Variants in GALNT16 observed in about 807,000 individuals in gnomAD.
The protein encoded by GALNT16 is UDP-GalNAc:polypeptide N-acetylgalactosaminyltransferase-like protein 1.
GALNT16 carries 40 observed loss-of-function variants against 76.1 expected under a neutral mutation model. That is an observed-to-expected ratio of 0.53 (90% CI 0.41 to 0.68). The LOEUF (loss-of-function observed/expected upper bound fraction) is 0.68, where lower values mean the gene tolerates loss of function less well. Among genes scored for constraint, GALNT16 ranks in the 30% least tolerant of loss-of-function variants. The pLI, the probability that GALNT16 is intolerant of heterozygous loss-of-function variation, is 0.00. For synonymous variants in GALNT16, 276 were observed against 285.2 expected (o/e 0.97, Z 0.32); for missense variants, 621 against 731.9 (o/e 0.85, Z 1.75).
chr14:69,342,125 T>G (rs2045495514), intron 12 of GALNT16, among the ~76,000 whole-genome samples: 1 of 152,070 alleles, frequency 6.6e-6, no homozygotes, highest in Non-Finnish European at 1.5e-5. Flanking sequence ...GCAGAAGCTG[T>G]TGACCAGCAG....
At chr14:69,327,775 G>C (rs2045304161) in intron 5 of GALNT16, among the ~76,000 whole-genome samples, 1 of 152,226 alleles carries the variant, frequency 6.6e-6, no homozygotes. Flanking sequence ...CCTCCCTCCT[G>C]ACCAGGCAGG....
At chr14:69,302,518 TTTG>T (rs2044868803) in intron 1 of GALNT16, among the ~76,000 whole-genome samples, 1 of 152,172 alleles carries the variant, frequency 6.6e-6, no homozygotes, top group Non-Finnish European at 1.5e-5. Flanking sequence ...TTTTTCAAAC[TTTG>T]TTTAGTAATG....
chr14:69,281,849 T>C (rs550675899), intron 1 of GALNT16, among the ~76,000 whole-genome samples: 93 of 152,262 alleles, frequency 6.1e-4, no homozygotes, highest in African/African-American at 2.0e-3. Context: ...GGGTGGGTGC[T>C]GGGTAGGAGC....
At chr14:69,296,307 A>G (rs1293571901) in intron 1 of GALNT16, among the ~76,000 whole-genome samples, 1 of 152,212 alleles carries the variant, frequency 6.6e-6, no homozygotes, top group Non-Finnish European at 1.5e-5. Flanking sequence ...ACCTCCCTCC[A>G]GGCCCCATCT....
At chr14:69,376,676 T>G in the GALNT16 span, among the ~76,000 whole-genome samples, 1 of 152,000 alleles carries the variant, frequency 6.6e-6, no homozygotes, top group African/African-American at 2.4e-5. Context: ...CATGGTCAAC[T>G]TGGGTTAACA....
chr14:69,313,152 C>T (rs1022679411), intron 1 of GALNT16, among the ~76,000 whole-genome samples: 3 of 152,214 alleles, frequency 2.0e-5, no homozygotes, highest in African/African-American at 7.2e-5. Flanking sequence ...TCAGCTCATT[C>T]CTGTTGAAGA....
intron 12 of GALNT16, 42 bp from the exon 13 acceptor site, chr14:69,346,998 T>TG (rs756937390): frequency 5.8e-5 from 93 of 1,612,230 alleles, no homozygotes; most frequent in Admixed American, 1.7e-4. Context: ...AGGTAAGCCT[T>TG]GGGGGGGAAA....
the GALNT16 span, chr14:69,380,510 C>T: frequency 8.5e-7 from 1 of 1,176,416 alleles, no homozygotes; most frequent in Non-Finnish European, 1.3e-6. Context: ...CCAAGCCCAC[C>T]CCAACCCCCC....
At chr14:69,314,303 A>C (rs150767380) in intron 1 of GALNT16, among the ~76,000 whole-genome samples, 259 of 152,374 alleles carry the variant, frequency 1.7e-3, no homozygotes, top group Middle Eastern at 6.8e-3. Context: ...ATGAAGAAGA[A>C]ACATGTTCAG....
chr14:69,316,924 C>T (rs964215990), intron 1 of GALNT16, among the ~76,000 whole-genome samples: 1 of 152,188 alleles, frequency 6.6e-6, no homozygotes, highest in Non-Finnish European at 1.5e-5. Context: ...TCAGCAACCA[C>T]CTGTTGAGTA....
At chr14:69,308,923 T>C (rs993413541) in intron 1 of GALNT16, among the ~76,000 whole-genome samples, 1 of 152,256 alleles carries the variant, frequency 6.6e-6, no homozygotes, top group Admixed American at 6.5e-5. Context: ...TACTGAGAAT[T>C]AATAATTATT....
At chr14:69,382,919 C>G in the GALNT16 span, among the ~76,000 whole-genome samples, 1 of 152,052 alleles carries the variant, frequency 6.6e-6, no homozygotes, top group Non-Finnish European at 1.5e-5. Flanking sequence ...GTCATTGGCA[C>G]AGATGAATCT....
downstream of GALNT16, chr14:69,354,943 A>C (rs1375785314): frequency 6.6e-6 from 1 of 152,302 alleles, no homozygotes; most frequent in East Asian, 1.9e-4. Flanking sequence ...TTCAGGCAGG[A>C]CATACTTCCT....
intron 1 of GALNT16, among the ~76,000 whole-genome samples, chr14:69,272,385 A>T (rs770549508): frequency 2.6e-5 from 4 of 152,082 alleles, no homozygotes; most frequent in Non-Finnish European, 4.4e-5. Context: ...AAATAAATAC[A>T]TAAATAAAAA....
In GALNT16 at chr14:69,353,575, C is replaced by G. The variant is rs1021991320; in HGVS notation, c.*1407C>G. ...GGGTCTCCCCTACAAAGCAGACCAG[C>G]CTGGGGCAGATATACCTACCACAGG... On this transcript the variant is annotated 3_prime_UTR_variant, in exon 15 of 15. Coordinates refer to ENST00000448469, the MANE Select transcript of GALNT16 (RefSeq NM_001168368.2). The G allele has an allele frequency of 7.2e-5, 11 of 152,250 alleles. No homozygotes were observed. Among genetic ancestry groups the G allele is most frequent in the African/African-American group, 2.4e-4 (10 of 41,438 alleles). 9.4% of individuals were successfully genotyped at this position (152,250 alleles called of 1,614,324 possible).
chr14:69,324,021 A>G (rs2045241256), intron 2 of GALNT16, among the ~76,000 whole-genome samples: 1 of 152,116 alleles, frequency 6.6e-6, no homozygotes, highest in African/African-American at 2.4e-5. Context: ...GAGGAGAGGG[A>G]GCCAGTAGGC....
intron 6 of GALNT16, among the ~76,000 whole-genome samples, chr14:69,330,550 G>A (rs1263987623): frequency 1.3e-5 from 2 of 152,184 alleles, no homozygotes; most frequent in East Asian, 3.9e-4. Flanking sequence ...GATGAGGTGA[G>A]GCCCTCCACA....
At chr14:69,334,130 G>T (rs780559304) in intron 9 of GALNT16, among the ~76,000 whole-genome samples, 3 of 152,238 alleles carry the variant, frequency 2.0e-5, no homozygotes, top group Non-Finnish European at 2.9e-5. Context: ...TGAGTTAAAG[G>T]CAGGTCACAG....
chr14:69,307,985 T>C (rs2044962158), intron 1 of GALNT16, among the ~76,000 whole-genome samples: 1 of 152,124 alleles, frequency 6.6e-6, no homozygotes, highest in Admixed American at 6.5e-5. Context: ...ACACGAATGA[T>C]GAATTCACCT....
Sources: gnomAD v4.1 joint callset for allele counts (sites outside exome capture counted in the v4.1 genomes callset) on GRCh38, gnomAD v4.1.1 for gene constraint, MANE v1.5 for transcripts, NCBI Gene and HGNC (gene_info 2026-07-23, HGNC 2026-07-21) for gene names.